AMZ2: variants seen among roughly 807,000 people sequenced by gnomAD.
The protein encoded by AMZ2 is archaelysin family metallopeptidase 2, also known as archaemetzincin-2.
In AMZ2, 26 loss-of-function variants were observed where a neutral mutation model predicts 36.7. The observed-to-expected ratio is 0.71, with a 90% CI of 0.52 to 0.98. The LOEUF is 0.98. Among genes scored for constraint, AMZ2 ranks in the 50% least tolerant of loss-of-function variants. The pLI, the probability that AMZ2 is intolerant of heterozygous loss-of-function variation, is 0.00. For synonymous variants in AMZ2, 144 were observed against 149.1 expected, an observed-to-expected ratio of 0.97 and a Z score of 0.25; for missense variants, 394 against 430.5, an observed-to-expected ratio of 0.92 and a Z score of 0.75.
chr17:68,250,939 GAACACACACAACCTACA>G lies in AMZ2; in HGVS notation c.432_448del (p.Thr145SerfsTer15), dbSNP rs782352057. 1 of 1,611,840 alleles carries G rather than the reference GAACACACACAACCTACA, an allele frequency of 6.2e-7. No homozygotes were observed. The highest frequency in any genetic ancestry group is 8.5e-7 in the Non-Finnish European group (1 of 1,179,554). ...CAAGATGTTCCTTTAGAGTCAATGA[GAACACACACAACCTACA>G]AATTCATGCAGGTGAATTACACGAC... is the stretch of plus-strand genomic sequence containing the variant. On this transcript the variant is annotated frameshift_variant, in exon 3 of 7. Coordinates refer to ENST00000359904, the MANE Select transcript of AMZ2 (RefSeq NM_016627.5). LOFTEE classifies it high-confidence loss of function.
chr17:68,242,172 T>C (rs1357743345), intron 1 of AMZ2, among the ~76,000 whole-genome samples: 3 of 152,196 alleles, frequency 2.0e-5, no homozygotes, highest in East Asian at 3.9e-4. Context: ...GAAAAATAGA[T>C]TGAGGAGCAG....
Position 68,255,803 on chromosome 17 carries a change from C to G in AMZ2, c.854C>G (p.Pro285Arg). 6.2e-7 allele frequency: 1 copy of G among 1,614,190 alleles called. No individual in the cohort carries two copies. Among genetic ancestry groups the G allele is most frequent in the African/African-American group, 1.3e-5 (1 of 75,032 alleles). The change falls in exon 6 of 7, where the codon CCT (proline) becomes CGT (arginine). Residue 285 changes from proline (P) to arginine (R), a missense_variant. Coordinates refer to ENST00000359904, the MANE Select transcript of AMZ2 (RefSeq NM_016627.5). ...CACTTGGAAGAAGCTGACCGGCGCC[C>G]TCTAAACCTTTGCCCTATCTGTTTG... ...SNHLEEADRR[P>R]LNLCPICLHK...
At chr17:68,240,655 CTAAGGCACATCTTTA>C (rs1568363489) in intron 1 of AMZ2, among the ~76,000 whole-genome samples, 1 of 152,096 alleles carries the variant, frequency 6.6e-6, no homozygotes, top group African/African-American at 2.4e-5. Context: ...AAGGTTCAGG[CTAAGGCACATCTTTA>C]TAACCCTTCA....
At chr17:68,211,746 G>GTATATATATGTATATATGTA (rs1392432414) in intron 1 of AMZ2, among the ~76,000 whole-genome samples, 1 of 135,942 alleles carries the variant, frequency 7.4e-6, no homozygotes, top group African/African-American at 3.2e-5. Context: ...ATGTGTATAT[G>GTATATATATGTATATATGTA]TATATATGTA....
chr17:68,253,827 C>T (rs1484640926), intron 4 of AMZ2, among the ~76,000 whole-genome samples: 3 of 150,994 alleles, frequency 2.0e-5, no homozygotes, highest in Non-Finnish European at 4.4e-5. Context: ...GATCTTGGCT[C>T]ACTGCAACTC....
At chr17:68,254,026 T>A (rs1555741303) in intron 4 of AMZ2, among the ~76,000 whole-genome samples, 1 of 152,210 alleles carries the variant, frequency 6.6e-6, no homozygotes, top group Non-Finnish European at 1.5e-5. Flanking sequence ...ATTACAATCG[T>A]GAGCCACCAC....
At chr17:68,210,093 T>G (rs1264418601) in intron 1 of AMZ2, among the ~76,000 whole-genome samples, 1 of 152,156 alleles carries the variant, frequency 6.6e-6, no homozygotes, top group African/African-American at 2.4e-5. Flanking sequence ...TTAGAGAGAA[T>G]GTAAAACCAT....
chr17:68,253,322 TCTA>T (rs1471869477), intron 4 of AMZ2, among the ~76,000 whole-genome samples: 1 of 152,222 alleles, frequency 6.6e-6, no homozygotes, highest in African/African-American at 2.4e-5. Flanking sequence ...ATTGGACAAA[TCTA>T]CTATGGGTTT....
Position 68,250,879 on chromosome 17 carries a change from A to C in AMZ2, c.369A>C (p.Arg123Ser), listed in dbSNP as rs782517683. Residue 123 changes from arginine to serine, a missense_variant, in exon 3 of 7, where the codon AGA becomes AGC. By Grantham distance (110) the Arg-to-Ser change is moderately radical. Coordinates refer to ENST00000359904, the MANE Select transcript of AMZ2 (RefSeq NM_016627.5). The part of the protein sequence containing the change: ...GYCKAYFYGL[R>S]VKLLEPVPVS... ...GTAAAGCATATTTCTATGGCTTGAG[A>C]GTAAAACTCCTAGAACCAGTTCCTG... 6.2e-7 allele frequency: 1 copy of C among 1,610,548 alleles called. No homozygotes were observed. Among genetic ancestry groups the C allele is most frequent in the Non-Finnish European group, 8.5e-7 (1 of 1,179,180 alleles).
chr17:68,230,767 A>C (rs1555731069), intron 1 of AMZ2, among the ~76,000 whole-genome samples: 1 of 152,098 alleles, frequency 6.6e-6, no homozygotes, highest in African/African-American at 2.4e-5. Flanking sequence ...CTCACCAAGC[A>C]CTTCCCCTGG....
intron 1 of AMZ2, chr17:68,207,321 C>CCCCT (rs1337230970): frequency 7.0e-6 from 1 of 143,502 alleles, no homozygotes; most frequent in Non-Finnish European, 1.5e-5. Context: ...ATACCCCCCC[C>CCCCT]CCACAAAGGC....
chr17:68,210,022 A>G (rs2144467571), intron 1 of AMZ2, among the ~76,000 whole-genome samples: 1 of 152,238 alleles, frequency 6.6e-6, no homozygotes, highest in East Asian at 1.9e-4. Context: ...GTAATGTTTA[A>G]AAAAAATAAA....
intron 4 of AMZ2, among the ~76,000 whole-genome samples, chr17:68,252,058 C>T (rs1555740156): frequency 6.6e-6 from 1 of 151,938 alleles, no homozygotes; most frequent in Non-Finnish European, 1.5e-5. Flanking sequence ...TCTCCCCTCC[C>T]CTTAATTATT....
chr17:68,217,032 CAAAA>C (rs11284875), intron 1 of AMZ2, among the ~76,000 whole-genome samples: 3 of 95,632 alleles, frequency 3.1e-5, no homozygotes, highest in African/African-American at 3.4e-5. Context: ...GACTCCGTCT[CAAAA>C]AAAAAAAAAA....
chr17:68,235,833 CTT>C lies in AMZ2; in HGVS notation c.-66-12795_-66-12794del, dbSNP rs72439805. 0.1 allele frequency among the ~76,000 whole-genome samples: 14,913 copies of C among 146,452 alleles called. 845 individuals are homozygous for C. Among genetic ancestry groups the C allele is most frequent in the Non-Finnish European group, 0.12 (7,981 of 66,098 alleles). ...CTCCAAGACTTAGCCCAAAATCTTA[CTT>C]TTTTTTTTTTTCGAGATAGTTTCTC... On this transcript the variant is annotated intron_variant, in intron 1 of 7. Coordinates refer to the AMZ2 transcript ENST00000674770. The surrounding 1 kb of genome is among the most constrained non-coding windows in gnomAD (Gnocchi z 4.2).
intron 1 of AMZ2, chr17:68,248,995 T>C: frequency 1.0e-6 from 1 of 989,682 alleles, no homozygotes; most frequent in Non-Finnish European, 1.3e-6. Context: ...TTCAACTTTT[T>C]CCTTAATTCA....
chr17:68,212,241 A>G (rs1368198791), intron 1 of AMZ2, among the ~76,000 whole-genome samples: 1 of 152,192 alleles, frequency 6.6e-6, no homozygotes, highest in Non-Finnish European at 1.5e-5. Flanking sequence ...GCATGGTGGC[A>G]CGTGCCTGTA....
intron 1 of AMZ2, chr17:68,207,219 C>T (rs1176298244): frequency 1.3e-5 from 2 of 151,772 alleles, no homozygotes; most frequent in Admixed American, 6.6e-5. Flanking sequence ...AAAGCCTTCC[C>T]GAAATCCGTA....
rs1555732268 is a variant in AMZ2 at position 68,235,434 on chromosome 17, T to C, written c.-66-13206T>C. ...TCCCAGGGAGGTAAAGTGCCTTGGCTGAGGGCCACCCAGGAGCTGGTGGTG... is the reference window on the plus strand; with the variant it reads ...TCCCAGGGAGGTAAAGTGCCTTGGCCGAGGGCCACCCAGGAGCTGGTGGTG... On this transcript the variant is annotated intron_variant, in intron 1 of 7. Transcript: ENST00000674770. This position sits in a 1 kb window ranked among gnomAD's most constrained non-coding sequence, Gnocchi z 4.2. Among the ~76,000 whole-genome samples the C allele has an allele frequency of 3.3e-5, 5 of 152,166 alleles. No individual in the cohort carries two copies. The highest frequency in any genetic ancestry group is 7.4e-5 in the Non-Finnish European group (5 of 68,002).
Sources: gnomAD v4.1 joint callset for allele counts (sites outside exome capture counted in the v4.1 genomes callset) on GRCh38, gnomAD v4.1.1 for gene constraint, Gnocchi (gnomAD v3.1) non-coding constraint, MANE v1.5 for transcripts, NCBI Gene and HGNC (gene_info 2026-07-23, HGNC 2026-07-21) for gene names.